DUSP22: variants seen among roughly 807,000 people sequenced by gnomAD.
DUSP22 encodes dual specificity phosphatase 22, also known as dual specificity protein phosphatase 22.
In DUSP22, 24 loss-of-function variants were observed where a neutral mutation model predicts 24.5. The ratio of observed to expected loss-of-function variants is 0.98; its 90% CI spans 0.71 to 1.38. The LOEUF is 1.38. Among genes scored for constraint, DUSP22 ranks in the 40% most tolerant of loss-of-function variants. The pLI, the probability that DUSP22 is intolerant of heterozygous loss-of-function variation, is 0.00. For synonymous variants in DUSP22, 160 were observed against 106.4 expected (o/e 1.50, Z -3.10); for missense variants, 330 against 269.2 (o/e 1.23, Z -1.58).
intron 3 of DUSP22, among the ~76,000 whole-genome samples, chr6:316,500 A>G (rs548165890): frequency 2.5e-3 from 388 of 152,248 alleles, no homozygotes; most frequent in Admixed American, 0.023. Context: ...CGGTGTCTTC[A>G]GCGTCTACTG....
In DUSP22 at chr6:305,472, AGTC is replaced by A. The variant is rs1757780520; in HGVS notation, c.55+812_55+814del. ...AATTTTCAGAAGCCTGTTCTTTTTA[AGTC>A]ACCTGGGAAACAAGAGTGACAATTT... On this transcript the variant is annotated intron_variant, in intron 2 of 6. Transcript: ENST00000419235. 2.6e-5 allele frequency among the ~76,000 whole-genome samples: 4 copies of A among 152,300 alleles called. No individual in the cohort carries two copies. In the East Asian group the frequency reaches 5.8e-4, roughly 22 times the overall value.
At chr6:335,764 G>T (rs914077077) in intron 4 of DUSP22, among the ~76,000 whole-genome samples, 34 of 152,416 alleles carry the variant, frequency 2.2e-4, no homozygotes, top group African/African-American at 8.2e-4. Context: ...GTTCAGACCA[G>T]CTGTGTTTCC....
rs549842617 is a variant in DUSP22 at position 348,436 on chromosome 6, G to T, written c.435+162G>T. Reference sequence around the variant, plus strand: ...GCTGCACCCCTTCAGAAGTCGTCACGATCCCTCGTGCACCTGTTGAAGCCA... The same window carrying T: ...GCTGCACCCCTTCAGAAGTCGTCACTATCCCTCGTGCACCTGTTGAAGCCA... On this transcript the variant is annotated intron_variant, in intron 6 of 6. Coordinates refer to ENST00000419235, the MANE Select transcript of DUSP22 (RefSeq NM_001286555.3). 137 of 1,203,502 alleles carry T rather than the reference G, an allele frequency of 1.1e-4. No homozygotes were observed. In the South Asian group the frequency reaches 1.6e-3, roughly 14 times the overall value. 74.6% of individuals were successfully genotyped at this position (1,203,502 alleles called of 1,614,324 possible).
chr6:331,241 T>C (rs1343570893), intron 3 of DUSP22, among the ~76,000 whole-genome samples: 1 of 152,308 alleles, frequency 6.6e-6, no homozygotes, highest in African/African-American at 2.4e-5. Context: ...TCGTGGAAAG[T>C]GCTGAATTCT....
intron 2 of DUSP22, among the ~76,000 whole-genome samples, chr6:307,486 C>T (rs1179314698): frequency 6.6e-6 from 1 of 152,306 alleles, no homozygotes; most frequent in Non-Finnish European, 1.5e-5. Context: ...ACAAACAAAC[C>T]CAGCTCTGGA....
intron 3 of DUSP22, 24 bp downstream of exon 3, chr6:311,986 T>G: frequency 6.2e-7 from 1 of 1,603,270 alleles, no homozygotes; most frequent in South Asian, 1.1e-5. Context: ...GTGGGGCGTG[T>G]GTGGGTGTCC....
intron 3 of DUSP22, among the ~76,000 whole-genome samples, chr6:315,838 C>A (rs1279556064): frequency 6.6e-6 from 1 of 152,306 alleles, no homozygotes; most frequent in Non-Finnish European, 1.5e-5. Flanking sequence ...GTGAGTTCAT[C>A]CCAAGATCTT....
chr6:341,213 C>T (rs924686791), intron 4 of DUSP22, among the ~76,000 whole-genome samples: 18 of 152,302 alleles, frequency 1.2e-4, no homozygotes, highest in African/African-American at 3.9e-4. Flanking sequence ...GTGCAGCATT[C>T]GCTGGCTCTC....
intron 3 of DUSP22, among the ~76,000 whole-genome samples, chr6:333,934 G>T (rs948935611): frequency 1.3e-5 from 2 of 152,422 alleles, no homozygotes; most frequent in African/African-American, 4.8e-5. Context: ...AATGTCAGGG[G>T]CTATTAAAAT....
chr6:295,416 G>A (rs543355929), intron 1 of DUSP22, among the ~76,000 whole-genome samples: 6 of 152,396 alleles, frequency 3.9e-5, no homozygotes, highest in South Asian at 2.1e-4. Context: ...TTAGGTGTAC[G>A]CAGCAGATTA....
chr6:293,725 G>A (rs570517709), intron 1 of DUSP22, among the ~76,000 whole-genome samples: 2 of 152,200 alleles, frequency 1.3e-5, no homozygotes, highest in East Asian at 3.9e-4. Context: ...TACCCAGTTT[G>A]TGAAAGAACT....
chr6:305,495 C>A (rs1016037717), intron 2 of DUSP22, among the ~76,000 whole-genome samples: 2 of 152,306 alleles, frequency 1.3e-5, no homozygotes, highest in Non-Finnish European at 2.9e-5. Flanking sequence ...ACAAGAGTGA[C>A]AATTTCATCT....
chr6:333,289 G>T (rs1313214370), intron 3 of DUSP22, among the ~76,000 whole-genome samples: 1 of 152,304 alleles, frequency 6.6e-6, no homozygotes, highest in Non-Finnish European at 1.5e-5. Context: ...TTAACCCTTG[G>T]CATGGTTGAA....
At chr6:337,511 A>G (rs1181829729) in intron 4 of DUSP22, among the ~76,000 whole-genome samples, 1 of 152,308 alleles carries the variant, frequency 6.6e-6, no homozygotes, top group African/African-American at 2.4e-5. Context: ...GGGGAGACAG[A>G]GATATGCCAG....
intron 1 of DUSP22, among the ~76,000 whole-genome samples, chr6:299,390 G>A (rs906547731): frequency 5.9e-5 from 9 of 152,416 alleles, no homozygotes; most frequent in South Asian, 2.1e-4. Context: ...CAAAAATATC[G>A]TGAAAATAGA....
intron 3 of DUSP22, among the ~76,000 whole-genome samples, chr6:324,960 T>A (rs1270908745): frequency 6.6e-6 from 1 of 152,304 alleles, no homozygotes; most frequent in Non-Finnish European, 1.5e-5. Context: ...GAGCTGTGTT[T>A]AAGGCAGGCT....
intron 3 of DUSP22, among the ~76,000 whole-genome samples, chr6:327,899 G>A (rs1414363044): frequency 6.6e-6 from 1 of 152,300 alleles, no homozygotes; most frequent in Non-Finnish European, 1.5e-5. Flanking sequence ...GGTGGTAGGA[G>A]GGAGAGATCA....
At chr6:347,643 T>C (rs1294801588) in intron 5 of DUSP22, among the ~76,000 whole-genome samples, 3 of 152,308 alleles carry the variant, frequency 2.0e-5, no homozygotes, top group Admixed American at 1.3e-4. Context: ...TCATGGGCTT[T>C]AAAAATTATA....
chr6:337,391 C>T lies in DUSP22; in HGVS notation c.188+2228C>T, dbSNP rs1042070102. Among the ~76,000 whole-genome samples, 13 of 152,402 alleles carry T rather than the reference C, an allele frequency of 8.5e-5. No homozygotes were observed. In the East Asian group the frequency reaches 1.2e-3, roughly 14 times the overall value. On this transcript the variant is annotated intron_variant, in intron 4 of 6. Transcript: ENST00000419235. ...TAAAACTGAGTCTGTTTTCACTCAGCGTATATTAATGTATCTTGAGAGTTA... is the reference window on the plus strand; with the variant it reads ...TAAAACTGAGTCTGTTTTCACTCAGTGTATATTAATGTATCTTGAGAGTTA...
Sources: allele counts gnomAD v4.1 joint callset (sites outside exome capture counted in the v4.1 genomes callset), GRCh38; gene constraint gnomAD v4.1.1; transcripts MANE v1.5; gene names NCBI Gene and HGNC (gene_info 2026-07-23, HGNC 2026-07-21).